The following NRCAM variants were observed in gnomAD, a reference collection of about 807,000 sequenced individuals.
NRCAM encodes NgCAM-related cell adhesion molecule.
Under a neutral mutation model 156.5 loss-of-function variants are expected in NRCAM, and 83 were observed. The observed-to-expected ratio is 0.53, with a 90% CI of 0.44 to 0.64. The LOEUF is 0.64. Ranked by LOEUF, NRCAM falls within the 30% of genes least tolerant of loss-of-function variation. The pLI is 0.00. For missense variants in NRCAM, 1,417 were observed against 1,597.3 expected (o/e 0.89, Z 1.92); for synonymous variants, 538 against 563.9 (o/e 0.95, Z 0.65).
intron 2 of NRCAM, among the ~76,000 whole-genome samples, chr7:108,334,969 G>T (rs149545060): frequency 1.9e-3 from 284 of 152,192 alleles, no homozygotes; most frequent in Middle Eastern, 0.01. Flanking sequence ...TGTAATAAAA[G>T]GTAGCATTTG....
intron 32 of NRCAM, among the ~76,000 whole-genome samples, chr7:108,155,093 TATATATATACACACAC>T (rs1452015557): frequency 2.3e-5 from 2 of 86,464 alleles, no homozygotes; most frequent in African/African-American, 6.8e-5. Flanking sequence ...AAGTCATATA[TATATATATACACACAC>T]ACACACACAC....
intron 1 of NRCAM, among the ~76,000 whole-genome samples, chr7:108,415,846 C>T (rs534888455): frequency 5.3e-5 from 8 of 152,312 alleles, no homozygotes; most frequent in South Asian, 2.1e-4. Context: ...CACGCCATTG[C>T]GCTCCAGCCT....
chr7:108,304,503 T>C (rs1434533055), intron 3 of NRCAM, among the ~76,000 whole-genome samples: 3 of 152,188 alleles, frequency 2.0e-5, no homozygotes, highest in East Asian at 3.8e-4. Context: ...TTTTTGCATT[T>C]TATCACCTCT....
At chr7:108,454,027 T>C (rs1163959877) in intron 1 of NRCAM, among the ~76,000 whole-genome samples, 1 of 152,186 alleles carries the variant, frequency 6.6e-6, no homozygotes, top group Non-Finnish European at 1.5e-5. Context: ...TTTATGAAAC[T>C]TTATGATGTG....
At chr7:108,269,977 G>A (rs1207580469) in intron 3 of NRCAM, among the ~76,000 whole-genome samples, 1 of 152,316 alleles carries the variant, frequency 6.6e-6, no homozygotes, top group Non-Finnish European at 1.5e-5. Context: ...TAATTTTACA[G>A]TGCAAAGAAA....
intron 2 of NRCAM, among the ~76,000 whole-genome samples, chr7:108,388,869 T>C (rs1478190865): frequency 6.6e-6 from 1 of 152,158 alleles, no homozygotes; most frequent in Non-Finnish European, 1.5e-5. Flanking sequence ...CAGATGGTTG[T>C]AGATATGCGG....
chr7:108,197,135 T>C lies in NRCAM; in HGVS notation c.1351+821A>G, dbSNP rs2075577879. Among the ~76,000 whole-genome samples the C allele has an allele frequency of 2.6e-5, 4 of 152,244 alleles. No homozygotes were observed. The Middle Eastern group carries it at 0.014, about 518-fold the overall frequency. On this transcript the variant is annotated intron_variant, in intron 14 of 32. Transcript: ENST00000379028. ...ATACAGAAAGACAAACTTGGCATGA[T>C]CTCCCTTAAATGTAAAATCTAAAAA... is the stretch of plus-strand genomic sequence containing the variant.
Position 108,252,994 on chromosome 7 carries a change from AG to A in NRCAM, c.-106-12825del, listed in dbSNP as rs2096446614. 2.0e-5 allele frequency among the ~76,000 whole-genome samples: 3 copies of A among 152,264 alleles called. No homozygotes were observed. In the South Asian group the frequency reaches 6.2e-4, roughly 31 times the overall value. On this transcript the variant is annotated intron_variant, in intron 3 of 32. Transcript: ENST00000379028. ...GGCAGGAACGTCTGAGCGGACTTTC[AG>A]ACCAGGACATATCTAAAATGACAGA... is the stretch of plus-strand genomic sequence containing the variant.
chr7:108,160,511 G>T lies in NRCAM; in HGVS notation c.3467-19C>A, dbSNP rs778071798. On this transcript the variant is annotated intron_variant, in intron 30 of 32. Coordinates refer to ENST00000379028, the MANE Select transcript of NRCAM (RefSeq NM_001037132.4). ...GCCATCGCTGGAAAACAAATCAATG[G>T]TGTTGGTGGCAATAGGTTAAGGGGA... 1.6e-5 allele frequency: 26 copies of T among 1,611,112 alleles called. No homozygotes were observed. Among genetic ancestry groups the T allele is most frequent in the Non-Finnish European group, 8.5e-7 (1 of 1,178,750 alleles).
chr7:108,411,533 C>A (rs1795325068), intron 1 of NRCAM, among the ~76,000 whole-genome samples: 1 of 152,194 alleles, frequency 6.6e-6, no homozygotes, highest in African/African-American at 2.4e-5. Context: ...GGGCCTAGAT[C>A]TTTTCTATTT....
intron 2 of NRCAM, among the ~76,000 whole-genome samples, chr7:108,391,077 T>A (rs1014034611): frequency 6.6e-6 from 1 of 152,340 alleles, no homozygotes; most frequent in African/African-American, 2.4e-5. Flanking sequence ...GTTCTATAGA[T>A]GTCTATTAGG....
chr7:108,175,404 A>T, intron 27 of NRCAM, 47 bp from the exon 28 acceptor site: 1 of 1,481,216 alleles, frequency 6.8e-7, no homozygotes, highest in African/African-American at 1.4e-5. Flanking sequence ...GTTAGATGTA[A>T]CACACCCATG....
At chr7:108,302,760 T>G (rs1181771909) in intron 3 of NRCAM, among the ~76,000 whole-genome samples, 1 of 152,184 alleles carries the variant, frequency 6.6e-6, no homozygotes, top group Non-Finnish European at 1.5e-5. Flanking sequence ...CACCAAACTT[T>G]CCTAAAATAT....
At chr7:108,397,300 C>G (rs2099779587) in intron 2 of NRCAM, among the ~76,000 whole-genome samples, 1 of 152,090 alleles carries the variant, frequency 6.6e-6, no homozygotes. Context: ...AAAAATCGAG[C>G]ATTTTGTAGC....
At chr7:108,444,673 C>G (rs1307898629) in intron 1 of NRCAM, among the ~76,000 whole-genome samples, 1 of 152,140 alleles carries the variant, frequency 6.6e-6, no homozygotes, top group African/African-American at 2.4e-5. Flanking sequence ...CCTTCTTCTA[C>G]TCTGCCTATC....
rs59053453 is a variant in NRCAM at position 108,376,107 on chromosome 7, G to T, written c.-174+23329C>A. The stretch of plus-strand genomic sequence containing the variant: ...AAGCACATCACAAATTTCTTTCTGG[G>T]AGTTACTTCAACTTTGGATATAATC... On this transcript the variant is annotated intron_variant, in intron 2 of 32. Coordinates refer to ENST00000379028, the MANE Select transcript of NRCAM (RefSeq NM_001037132.4). 5.8e-3 allele frequency among the ~76,000 whole-genome samples: 888 copies of T among 152,248 alleles called. 9 individuals carry two copies. Among genetic ancestry groups the T allele is most frequent in the African/African-American group, 0.02 (847 of 41,538 alleles).
chr7:108,298,684 A>AC (rs1346025254), intron 3 of NRCAM, among the ~76,000 whole-genome samples: 4 of 151,586 alleles, frequency 2.6e-5, no homozygotes, highest in African/African-American at 9.7e-5. Context: ...AAAACAAAAA[A>AC]CACACCAAAC....
At chr7:108,154,671 AAT>A (rs2043888841) in intron 32 of NRCAM, among the ~76,000 whole-genome samples, 1 of 152,174 alleles carries the variant, frequency 6.6e-6, no homozygotes, top group Admixed American at 6.6e-5. Flanking sequence ...ACCAGTCTTT[AAT>A]AAGTGGTGTG....
chr7:108,176,642 A>G (rs772953562), intron 26 of NRCAM, 36 bp from the exon 27 acceptor site: 1 of 1,456,484 alleles, frequency 6.9e-7, no homozygotes, highest in Admixed American at 1.8e-5. Flanking sequence ...TGCATTCTCC[A>G]TTAACTGCTA....
Sources: gnomAD v4.1 joint callset for allele counts (sites outside exome capture counted in the v4.1 genomes callset) on GRCh38, gnomAD v4.1.1 for gene constraint, MANE v1.5 for transcripts, NCBI Gene and HGNC (gene_info 2026-07-23, HGNC 2026-07-21) for gene names.